Variants in MTUS2 observed in about 807,000 individuals in gnomAD.
MTUS2 encodes microtubule-associated tumor suppressor candidate 2.
MTUS2 carries 40 observed loss-of-function variants against 114.1 expected under a neutral mutation model. That is an observed-to-expected ratio of 0.35 (90% CI 0.27 to 0.46). MTUS2 has a LOEUF of 0.46. Ranked by LOEUF, MTUS2 falls within the 20% of genes least tolerant of loss-of-function variation. MTUS2 has a pLI of 1.00. For missense variants in MTUS2, 1,679 were observed against 1,705.4 expected, an observed-to-expected ratio of 0.98 and a Z score of 0.27; for synonymous variants, 688 against 672.0, an observed-to-expected ratio of 1.02 and a Z score of -0.37.
chr13:29,427,620 A>G (rs1876647129), intron 8 of MTUS2, among the ~76,000 whole-genome samples: 1 of 152,228 alleles, frequency 6.6e-6, no homozygotes, highest in Non-Finnish European at 1.5e-5. Flanking sequence ...CAAACATTCC[A>G]GTCTGTTCCT....
chr13:29,359,238 G>A (rs761038935), intron 7 of MTUS2, 24 bp from the exon 8 acceptor site: 8 of 1,566,976 alleles, frequency 5.1e-6, no homozygotes, highest in East Asian at 2.4e-5. Flanking sequence ...ACAGGTGACC[G>A]GGGTTTGGTT....
intron 2 of MTUS2, among the ~76,000 whole-genome samples, chr13:28,843,953 A>C (rs1389405350): frequency 6.6e-6 from 1 of 152,258 alleles, no homozygotes; most frequent in East Asian, 1.9e-4. Context: ...GAGGAATTAC[A>C]ATGAGAATCC....
chr13:28,856,530 A>G (rs1421394888), intron 2 of MTUS2, among the ~76,000 whole-genome samples: 1 of 152,164 alleles, frequency 6.6e-6, no homozygotes, highest in Non-Finnish European at 1.5e-5. Flanking sequence ...CCCAAGCGAT[A>G]ATGGGCCATC....
chr13:28,983,110 A>G lies in MTUS2; in HGVS notation c.-242-41347A>G, dbSNP rs186085016. ...GTGAGCTAAAGCCAGCAGGTTTTTT[A>G]CCTGCAAATCCGAGGCAGGGTGGCT... On this transcript the variant is annotated intron_variant, in intron 2 of 15. Coordinates refer to ENST00000612955, the MANE Select transcript of MTUS2 (RefSeq NM_001033602.4). 1.4e-4 allele frequency among the ~76,000 whole-genome samples: 22 copies of G among 152,348 alleles called. 2 individuals carry two copies. The East Asian group carries it at 4.1e-3, about 28-fold the overall frequency.
chr13:29,148,007 G>T (rs936179177), intron 5 of MTUS2, among the ~76,000 whole-genome samples: 1 of 152,182 alleles, frequency 6.6e-6, no homozygotes. Context: ...AGTTCTTTGA[G>T]AAATTTTGAA....
intron 7 of MTUS2, among the ~76,000 whole-genome samples, chr13:29,332,897 A>G (rs1348899222): frequency 1.3e-5 from 2 of 151,904 alleles, no homozygotes; most frequent in African/African-American, 4.8e-5. Flanking sequence ...GGCCTCCCAA[A>G]GTGCTGGGAT....
At chr13:29,263,133 C>G (rs1897539122) in intron 5 of MTUS2, among the ~76,000 whole-genome samples, 2 of 152,188 alleles carry the variant, frequency 1.3e-5, no homozygotes, top group African/African-American at 4.8e-5. Flanking sequence ...TTTGACTGTA[C>G]TATATGGCAC....
At chr13:29,441,139 C>G (rs1223964423) in intron 9 of MTUS2, among the ~76,000 whole-genome samples, 1 of 152,104 alleles carries the variant, frequency 6.6e-6, no homozygotes, top group Non-Finnish European at 1.5e-5. Context: ...AGTGTGTGAT[C>G]CGGAGCAGCA....
At chr13:29,076,484 G>A (rs1414007452) in intron 4 of MTUS2, among the ~76,000 whole-genome samples, 1 of 152,322 alleles carries the variant, frequency 6.6e-6, no homozygotes, top group Non-Finnish European at 1.5e-5. Context: ...TGAGTTTGCA[G>A]TCAGATTTGG....
At chr13:29,450,433 T>TG (rs1878604913) in intron 9 of MTUS2, among the ~76,000 whole-genome samples, 1 of 152,150 alleles carries the variant, frequency 6.6e-6, no homozygotes, top group East Asian at 1.9e-4. Context: ...GGAAGAATAG[T>TG]GGGTGCTCAG....
Position 28,840,989 on chromosome 13 carries a change from A to G in MTUS2, c.-243+1139A>G, listed in dbSNP as rs190824237. ...GTGGTGATTTATAGTATGTGCTTTC[A>G]GATTCGCCCTACTTTAATCATGAAA... On this transcript the variant is annotated intron_variant, in intron 2 of 15. Transcript: ENST00000612955. Among the ~76,000 whole-genome samples the G allele has an allele frequency of 3.3e-5, 5 of 152,352 alleles. No individual in the cohort carries two copies. In the East Asian group the frequency reaches 9.6e-4, roughly 29 times the overall value.
intron 2 of MTUS2, among the ~76,000 whole-genome samples, chr13:28,926,455 ACC>A (rs1881332601): frequency 6.6e-6 from 1 of 152,052 alleles, no homozygotes; most frequent in Non-Finnish European, 1.5e-5. Flanking sequence ...AAGAGCCTGC[ACC>A]AGGGCATTTA....
chr13:29,475,555 G>A (rs1880638516), intron 9 of MTUS2, among the ~76,000 whole-genome samples: 1 of 152,192 alleles, frequency 6.6e-6, no homozygotes, highest in East Asian at 1.9e-4. Context: ...GGGACAAGAT[G>A]TGGAGTTGGA....
chr13:29,352,664 C>T (rs1377138715), intron 7 of MTUS2, among the ~76,000 whole-genome samples: 3 of 152,116 alleles, frequency 2.0e-5, no homozygotes, highest in African/African-American at 4.8e-5. Flanking sequence ...TTTTAATGTT[C>T]ATCCATGAAT....
intron 4 of MTUS2, among the ~76,000 whole-genome samples, chr13:29,066,619 A>T (rs1278046037): frequency 6.6e-6 from 1 of 152,214 alleles, no homozygotes; most frequent in East Asian, 1.9e-4. Flanking sequence ...TTGCTGAATG[A>T]TCGCTGTTTT....
At chr13:28,950,356 T>C (rs1882747484) in intron 2 of MTUS2, among the ~76,000 whole-genome samples, 1 of 152,238 alleles carries the variant, frequency 6.6e-6, no homozygotes, top group South Asian at 2.1e-4. Context: ...TAATCGTTTG[T>C]CAGATATGTG....
intron 5 of MTUS2, among the ~76,000 whole-genome samples, chr13:29,137,072 G>C (rs1352416444): frequency 1.3e-5 from 2 of 152,106 alleles, no homozygotes; most frequent in African/African-American, 2.4e-5. Flanking sequence ...TGTGTAGACT[G>C]TGAGTGGTTA....
chr13:28,825,620 C>G (rs888783730), intron 1 of MTUS2, among the ~76,000 whole-genome samples: 1 of 152,128 alleles, frequency 6.6e-6, no homozygotes, highest in African/African-American at 2.4e-5. Context: ...TGAATTTCTC[C>G]ATGGAGAAGG....
chr13:29,438,063 G>T (rs1175686325), intron 8 of MTUS2, among the ~76,000 whole-genome samples: 1 of 151,974 alleles, frequency 6.6e-6, no homozygotes, highest in Non-Finnish European at 1.5e-5. Context: ...TGAAATAAAA[G>T]GAAACAGAAA....
Sources: allele counts gnomAD v4.1 joint callset (sites outside exome capture counted in the v4.1 genomes callset), GRCh38; gene constraint gnomAD v4.1.1; transcripts MANE v1.5; gene names NCBI Gene and HGNC (gene_info 2026-07-23, HGNC 2026-07-21).